Variants in AAK1 observed in about 807,000 individuals in gnomAD.
The protein encoded by AAK1 is AP2-associated protein kinase 1.
Under a neutral mutation model 116.0 loss-of-function variants are expected in AAK1, and 37 were observed. That is an observed-to-expected ratio of 0.32 (90% CI 0.25 to 0.42). The LOEUF (loss-of-function observed/expected upper bound fraction) is 0.42, where lower values mean the gene tolerates loss of function less well. AAK1 is among the 10% of genes least tolerant of loss of function. The probability of loss-of-function intolerance (pLI) is 1.00; values close to 1 mark genes in which losing one functional copy is unlikely to be tolerated. For synonymous variants in AAK1, 458 were observed against 439.9 expected, an observed-to-expected ratio of 1.04 and a Z score of -0.51; for missense variants, 919 against 1,170.6, an observed-to-expected ratio of 0.79 and a Z score of 3.14.
chr2:69,613,635 A>G (rs1434784326), intron 2 of AAK1, among the ~76,000 whole-genome samples: 3 of 152,232 alleles, frequency 2.0e-5, no homozygotes, highest in African/African-American at 7.2e-5. Context: ...AAGCCTCCAT[A>G]AAAACCCTAA....
chr2:69,617,950 C>T (rs1006320062), intron 2 of AAK1, among the ~76,000 whole-genome samples: 3 of 152,138 alleles, frequency 2.0e-5, no homozygotes, highest in Non-Finnish European at 4.4e-5. Context: ...AGCAAAGATT[C>T]AGGGAAGTGG....
chr2:69,590,271 A>G (rs937475013), intron 2 of AAK1, among the ~76,000 whole-genome samples: 4 of 152,224 alleles, frequency 2.6e-5, no homozygotes, highest in Non-Finnish European at 4.4e-5. Flanking sequence ...ACCTGCCCCT[A>G]AACCACCCAC....
intron 8 of AAK1, 120 bp downstream of exon 8, chr2:69,529,888 C>G (rs1181057273): frequency 1.1e-6 from 1 of 919,064 alleles, no homozygotes; most frequent in Non-Finnish European, 1.6e-6. Context: ...CAATCATTAT[C>G]AACTAATTTC....
At chr2:69,532,013 A>T (rs1172636223) in intron 6 of AAK1, 28 bp downstream of exon 6, 1 of 1,611,292 alleles carries the variant, frequency 6.2e-7, no homozygotes. Context: ...ATTGTGGACA[A>T]AACTCCATGA....
intron 17 of AAK1, among the ~76,000 whole-genome samples, chr2:69,494,021 G>A (rs1357833393): frequency 6.6e-6 from 1 of 152,164 alleles, no homozygotes; most frequent in African/African-American, 2.4e-5. Context: ...TCAGTGATAT[G>A]AGAATTCACC....
chr2:69,545,667 C>T (rs771419114), intron 3 of AAK1, among the ~76,000 whole-genome samples: 1 of 152,178 alleles, frequency 6.6e-6, no homozygotes, highest in Non-Finnish European at 1.5e-5. Flanking sequence ...AGTTAAAACT[C>T]ATTAGAGTCT....
intron 17 of AAK1, among the ~76,000 whole-genome samples, chr2:69,492,358 C>T (rs1009709509): frequency 9.2e-5 from 14 of 151,676 alleles, no homozygotes; most frequent in African/African-American, 2.7e-4. Flanking sequence ...GGATTATAGG[C>T]GCCCACCACC....
chr2:69,526,172 G>A (rs758490164), intron 9 of AAK1, among the ~76,000 whole-genome samples: 1 of 152,180 alleles, frequency 6.6e-6, no homozygotes, highest in African/African-American at 2.4e-5. Context: ...GGTCCCCCAG[G>A]AATCAGGTGT....
chr2:69,545,736 G>A (rs1293413476), intron 3 of AAK1, among the ~76,000 whole-genome samples: 1 of 152,176 alleles, frequency 6.6e-6, no homozygotes, highest in African/African-American at 2.4e-5. Context: ...TGCAACAAAA[G>A]TTCAGACAAA....
intron 2 of AAK1, among the ~76,000 whole-genome samples, chr2:69,559,908 T>C (rs574425212): frequency 6.6e-5 from 10 of 152,294 alleles, no homozygotes; most frequent in Admixed American, 5.9e-4. Flanking sequence ...TCTTTGTAGG[T>C]AGCAAGATGA....
chr2:69,614,368 G>A (rs943865347), intron 2 of AAK1, among the ~76,000 whole-genome samples: 1 of 152,248 alleles, frequency 6.6e-6, no homozygotes, highest in African/African-American at 2.4e-5. Flanking sequence ...CTGGAAGGAG[G>A]AGTCTAGTAA....
At position 69,458,727 on chromosome 2, in the gene AAK1, A is replaced by ACACC. The variant is rs1331849024; in HGVS notation, c.*17141_*17142insGGTG. ...AATGAGCACACACACACACACACAC[A>ACACC]CCCCATTCACACTCAAATAGGAATC... On this transcript the variant is annotated 3_prime_UTR_variant, in exon 22 of 22. Transcript: ENST00000409085. 4 of 152,260 alleles carry ACACC rather than the reference A, an allele frequency of 2.6e-5. No homozygotes were observed. The highest frequency in any genetic ancestry group is 5.9e-5 in the Non-Finnish European group (4 of 67,982). 9.4% of individuals were successfully genotyped at this position (152,260 alleles called of 1,614,324 possible).
Position 69,475,276 on chromosome 2 carries a change from A to G in AAK1, c.*593T>C. The G allele has an allele frequency of 1.0e-6, 1 of 985,938 alleles. No homozygotes were observed. Among genetic ancestry groups the G allele is most frequent in the Non-Finnish European group, 1.2e-6 (1 of 830,034 alleles). 61.1% of individuals were successfully genotyped at this position (985,938 alleles called of 1,614,324 possible). Reference sequence around the variant, plus strand: ...AACAAGGTCAAAGTTGGTTGGCTAGAGCTGGGCTCAATTTCTCTTCTCAAA... The same window carrying G: ...AACAAGGTCAAAGTTGGTTGGCTAGGGCTGGGCTCAATTTCTCTTCTCAAA... On this transcript the variant is annotated 3_prime_UTR_variant, in exon 22 of 22. Transcript: ENST00000409085.
chr2:69,488,423 G>A (rs1303279449), intron 17 of AAK1, among the ~76,000 whole-genome samples: 3 of 152,044 alleles, frequency 2.0e-5, no homozygotes, highest in African/African-American at 4.8e-5. Context: ...GCTGGGGCCT[G>A]CAAAATCCCA....
intron 2 of AAK1, among the ~76,000 whole-genome samples, chr2:69,626,327 A>G (rs1320064103): frequency 2.0e-5 from 3 of 151,792 alleles, no homozygotes; most frequent in Non-Finnish European, 4.4e-5. Context: ...CCAGTCAGTC[A>G]TCATTTCACT....
At position 69,470,354 on chromosome 2, in the gene AAK1, A is replaced by G. The variant is rs1416112883; in HGVS notation, c.*5515T>C. 47 of 985,332 alleles carry G rather than the reference A, an allele frequency of 4.8e-5. No homozygotes were observed. The highest frequency in any genetic ancestry group is 6.1e-5 in the Admixed American group (1 of 16,266). 61.0% of individuals were successfully genotyped at this position (985,332 alleles called of 1,614,324 possible). A position where few individuals can be genotyped will look rare whatever the true frequency, so the allele number is the denominator to read the frequency against. On this transcript the variant is annotated 3_prime_UTR_variant, in exon 22 of 22. Transcript: ENST00000409085. ...AATTGAAACGTAAAATTTTAGAACC[A>G]AACTGGGGAAATCAAGAGACGTACA...
rs574490585 is a variant in AAK1, at chr2:69,493,158, C to CAAAAAAAAAAAAAAAAAAAAAAAAAA, written c.2365+2826_2365+2827insTTTTTTTTTTTTTTTTTTTTTTTTTT. ...TGGGCGACAGAGCGAGACTCCGTCT[C>CAAAAAAAAAAAAAAAAAAAAAAAAAA]AAAAAAAAAAAAAAAAAAAGGATGC... is the stretch of plus-strand genomic sequence containing the variant. On this transcript the variant is annotated intron_variant, in intron 17 of 21. Transcript: ENST00000409085. Among the ~76,000 whole-genome samples the CAAAAAAAAAAAAAAAAAAAAAAAAAA allele has an allele frequency of 9.3e-4, 35 of 37,542 alleles. 1 individual carries two copies. The highest frequency in any genetic ancestry group is 1.4e-3 in the Non-Finnish European group (22 of 15,282). The allele number at this position is 37,542 out of a possible 152,430, so 24.6% of individuals were successfully genotyped here. A position where few individuals can be genotyped will look rare whatever the true frequency, so the allele number is the denominator to read the frequency against.
At chr2:69,605,072 A>T (rs965793221) in intron 2 of AAK1, among the ~76,000 whole-genome samples, 17 of 152,204 alleles carry the variant, frequency 1.1e-4, no homozygotes, top group Admixed American at 2.0e-4. Context: ...GCTTTTACAG[A>T]GCCCCAGCAT....
At chr2:69,542,008 A>T (rs1459330015) in intron 5 of AAK1, among the ~76,000 whole-genome samples, 1 of 152,222 alleles carries the variant, frequency 6.6e-6, no homozygotes, top group Non-Finnish European at 1.5e-5. Context: ...AACGTAGTAG[A>T]GTACATGGCA....
Sources: allele counts gnomAD v4.1 joint callset (sites outside exome capture counted in the v4.1 genomes callset), GRCh38; gene constraint gnomAD v4.1.1; transcripts MANE v1.5; gene names NCBI Gene and HGNC (gene_info 2026-07-23, HGNC 2026-07-21).